ZNF407: variants seen among roughly 807,000 people sequenced by gnomAD.
ZNF407 encodes the protein zinc finger protein 407.
In ZNF407, 17 loss-of-function variants were observed where a neutral mutation model predicts 131.2. That is an observed-to-expected ratio of 0.13 (90% CI 0.09 to 0.19). ZNF407 has a LOEUF of 0.19. Among genes scored for constraint, ZNF407 ranks in the 10% least tolerant of loss-of-function variants. ZNF407 has a pLI of 1.00. For synonymous variants in ZNF407, 1,156 were observed against 1,062.0 expected (o/e 1.09, Z -1.72); for missense variants, 2,681 against 2,830.6 (o/e 0.95, Z 1.20).
chr18:74,783,330 T>G (rs2145033277), intron 4 of ZNF407, among the ~76,000 whole-genome samples: 1 of 152,274 alleles, frequency 6.6e-6, no homozygotes, highest in African/African-American at 2.4e-5. Flanking sequence ...AGAAAATATT[T>G]CCCAACTGTA....
chr18:74,760,532 A>G (rs1382982315), intron 3 of ZNF407, among the ~76,000 whole-genome samples: 1 of 152,082 alleles, frequency 6.6e-6, no homozygotes, highest in Non-Finnish European at 1.5e-5. Context: ...TCAGACAGCT[A>G]TGGTGGTAAA....
chr18:74,914,491 A>G (rs1420833353), intron 7 of ZNF407, among the ~76,000 whole-genome samples: 1 of 152,228 alleles, frequency 6.6e-6, no homozygotes, highest in Non-Finnish European at 1.5e-5. Context: ...GCCCAGGAAT[A>G]GCTTTTACCA....
At chr18:74,707,622 G>T (rs1000429778) in intron 3 of ZNF407, among the ~76,000 whole-genome samples, 1 of 152,142 alleles carries the variant, frequency 6.6e-6, no homozygotes, top group Non-Finnish European at 1.5e-5. Flanking sequence ...GTATTTCAAG[G>T]AATCAGGTGT....
In ZNF407 at chr18:74,698,961, C is replaced by T. The variant is rs114686213; in HGVS notation, c.4802+57839C>T. On this transcript the variant is annotated intron_variant, in intron 3 of 8. Transcript: ENST00000299687. ...GTATAAAATAATTTTTGGAAAAATT[C>T]GAATTTGTTGTTTTTGGTAGTGTGC... 6.4e-3 allele frequency among the ~76,000 whole-genome samples: 970 copies of T among 152,100 alleles called. 7 individuals carry two copies. Among genetic ancestry groups the T allele is most frequent in the African/African-American group, 0.022 (907 of 41,496 alleles).
intron 3 of ZNF407, among the ~76,000 whole-genome samples, chr18:74,659,864 T>C (rs1429015349): frequency 6.6e-6 from 1 of 152,208 alleles, no homozygotes; most frequent in Non-Finnish European, 1.5e-5. Context: ...AAGTCACTTC[T>C]GTGCATTTGG....
At position 74,750,373 on chromosome 18, in the gene ZNF407, A is replaced by G. The variant is rs954025097; in HGVS notation, c.4803-31055A>G. On this transcript the variant is annotated intron_variant, in intron 3 of 8. Coordinates refer to ENST00000299687, the MANE Select transcript of ZNF407 (RefSeq NM_017757.3). The stretch of plus-strand genomic sequence containing the variant: ...CAGTATGTTCTTTTTCAGCTGAGGG[A>G]AAGTCATTTACTTTTTAACTTGATT... Among the ~76,000 whole-genome samples, 7 of 152,290 alleles carry G rather than the reference A, an allele frequency of 4.6e-5. No homozygotes were observed. In the South Asian group the frequency reaches 1.5e-3, roughly 32 times the overall value.
At chr18:74,716,167 C>G (rs999805003) in intron 3 of ZNF407, among the ~76,000 whole-genome samples, 7 of 152,276 alleles carry the variant, frequency 4.6e-5, no homozygotes, top group Non-Finnish European at 1.5e-5. Context: ...TTAGTTGTAT[C>G]TTGAGAGGTG....
At chr18:74,683,131 TTC>T (rs538195130) in intron 3 of ZNF407, among the ~76,000 whole-genome samples, 76 of 152,302 alleles carry the variant, frequency 5.0e-4, no homozygotes, top group Non-Finnish European at 9.4e-4. Context: ...GGAGCTTTTG[TTC>T]TAATAGCATA....
intron 4 of ZNF407, among the ~76,000 whole-genome samples, chr18:74,815,120 G>A (rs558524383): frequency 6.6e-6 from 1 of 151,612 alleles, no homozygotes; most frequent in Non-Finnish European, 1.5e-5. Context: ...ATTTTTGGTA[G>A]GATTATAACC....
intron 7 of ZNF407, among the ~76,000 whole-genome samples, chr18:74,897,133 A>G (rs1303772863): frequency 1.3e-5 from 2 of 152,218 alleles, no homozygotes; most frequent in East Asian, 3.9e-4. Context: ...CTGATATAGC[A>G]CAAGCATTTA....
intron 3 of ZNF407, among the ~76,000 whole-genome samples, chr18:74,716,278 CTTATT>C (rs1188835400): frequency 6.6e-6 from 1 of 152,102 alleles, no homozygotes; most frequent in Non-Finnish European, 1.5e-5. Flanking sequence ...CCTGTTTTGC[CTTATT>C]GTGGGAATGT....
At chr18:74,663,073 G>C (rs949648048) in intron 3 of ZNF407, among the ~76,000 whole-genome samples, 1 of 152,166 alleles carries the variant, frequency 6.6e-6, no homozygotes, top group Non-Finnish European at 1.5e-5. Context: ...AGCATTTTTT[G>C]TATCACCTGT....
chr18:74,916,863 C>T (rs570081171), intron 7 of ZNF407, among the ~76,000 whole-genome samples: 15 of 151,840 alleles, frequency 9.9e-5, no homozygotes, highest in Non-Finnish European at 2.1e-4. Context: ...AGGAGATTAG[C>T]AGCATGTGAT....
chr18:75,015,288 C>T (rs1213509398), intron 8 of ZNF407, among the ~76,000 whole-genome samples: 2 of 151,794 alleles, frequency 1.3e-5, no homozygotes, highest in African/African-American at 4.8e-5. Flanking sequence ...TGTAAAATTA[C>T]TCTCAGCAGT....
At chr18:74,962,076 G>T (rs1218844461) in intron 8 of ZNF407, among the ~76,000 whole-genome samples, 1 of 152,118 alleles carries the variant, frequency 6.6e-6, no homozygotes, top group Non-Finnish European at 1.5e-5. Context: ...ATTTAATAAA[G>T]ACTTTAGTAA....
intron 3 of ZNF407, among the ~76,000 whole-genome samples, chr18:74,728,900 C>T (rs988519345): frequency 1.3e-5 from 2 of 152,100 alleles, no homozygotes; most frequent in African/African-American, 4.8e-5. Context: ...CACTAGCCAG[C>T]AGTATTGAGT....
chr18:75,011,608 A>G (rs563362071), intron 8 of ZNF407, among the ~76,000 whole-genome samples: 21 of 152,290 alleles, frequency 1.4e-4, no homozygotes, highest in African/African-American at 4.6e-4. Context: ...TTTTCCCAAA[A>G]TCAGAAAACA....
chr18:74,647,438 C>T (rs1312986786), intron 3 of ZNF407, among the ~76,000 whole-genome samples: 3 of 151,794 alleles, frequency 2.0e-5, no homozygotes, highest in Admixed American at 6.6e-5. Flanking sequence ...AGCGGGACCC[C>T]GTCTCTAAAA....
At chr18:74,659,983 G>A (rs570645562) in intron 3 of ZNF407, among the ~76,000 whole-genome samples, 2 of 152,152 alleles carry the variant, frequency 1.3e-5, no homozygotes, top group Admixed American at 6.5e-5. Flanking sequence ...GATGCTTTGA[G>A]GACGTAATTA....
Sources: allele counts gnomAD v4.1 joint callset (sites outside exome capture counted in the v4.1 genomes callset), GRCh38; gene constraint gnomAD v4.1.1; transcripts MANE v1.5; gene names NCBI Gene and HGNC (gene_info 2026-07-23, HGNC 2026-07-21).